The following GRIK4 variants were observed in gnomAD, a reference collection of about 807,000 sequenced individuals.
GRIK4 encodes glutamate receptor ionotropic, kainate 4.
A neutral mutation model predicts 104.9 loss-of-function variants in GRIK4; 40 were observed. The observed-to-expected ratio is 0.38, with a 90% confidence interval of 0.30 to 0.50. The LOEUF (loss-of-function observed/expected upper bound fraction) is 0.50. Ranked by LOEUF, GRIK4 falls within the 20% of genes least tolerant of loss-of-function variation. GRIK4 has a pLI of 0.93. For synonymous variants in GRIK4, 485 were observed against 524.9 expected (o/e 0.92, Z 1.04); for missense variants, 1,047 against 1,308.1 (o/e 0.80, Z 3.08).
rs377541334 is a variant in GRIK4 at position 120,903,538 on chromosome 11, G to A, written c.1273-1752G>A. On this transcript the variant is annotated intron_variant, in intron 12 of 20. Coordinates refer to ENST00000527524, the MANE Select transcript of GRIK4 (RefSeq NM_014619.5). The surrounding 1 kb of genome is among the most constrained non-coding windows in gnomAD (Gnocchi z 4.4). The stretch of plus-strand genomic sequence containing the variant: ...CCTCCTCTTTTCTCCCCTTTTCCAG[G>A]GATTTTCCCTTCCTGCCTGTAAATA... Among the ~76,000 whole-genome samples the A allele has an allele frequency of 2.0e-5, 3 of 152,052 alleles. No homozygotes were observed. Among genetic ancestry groups the A allele is most frequent in the South Asian group, 2.1e-4 (1 of 4,798 alleles).
intron 3 of GRIK4, among the ~76,000 whole-genome samples, chr11:120,787,499 G>C (rs934228380): frequency 2.0e-5 from 3 of 151,262 alleles, no homozygotes; most frequent in African/African-American, 7.3e-5. Context: ...GAGTCTGGCT[G>C]TGTCACCCAG....
intron 3 of GRIK4, among the ~76,000 whole-genome samples, chr11:120,762,461 A>G (rs556170315): frequency 2.0e-3 from 298 of 152,340 alleles, no homozygotes; most frequent in African/African-American, 6.8e-3. Context: ...TGCCCTGGCC[A>G]GAACTTCCAA....
At chr11:120,960,771 C>T (rs1944270418) in intron 16 of GRIK4, 138 bp from the exon 17 acceptor site, 6 of 621,946 alleles carry the variant, frequency 9.6e-6, no homozygotes, top group South Asian at 8.7e-5. Flanking sequence ...TGCCTCCTTT[C>T]TCTTCCCCCA....
At chr11:120,916,285 A>G (rs1425977208) in intron 13 of GRIK4, among the ~76,000 whole-genome samples, 4 of 152,008 alleles carry the variant, frequency 2.6e-5, no homozygotes, top group African/African-American at 4.8e-5. Flanking sequence ...CCTTTCAGCT[A>G]AAAAGGCAGA....
chr11:120,699,200 C>T (rs1036108212), intron 3 of GRIK4, among the ~76,000 whole-genome samples: 22 of 152,178 alleles, frequency 1.4e-4, no homozygotes, highest in African/African-American at 5.1e-4. Flanking sequence ...GCCCACCTAC[C>T]TGCCTTGATC....
intron 18 of GRIK4, 94 bp downstream of exon 18, chr11:120,962,775 C>A: frequency 1.3e-6 from 1 of 786,848 alleles, no homozygotes; most frequent in South Asian, 1.7e-5. Flanking sequence ...TCCAGTACCC[C>A]CTGTTGTTAG....
At chr11:120,655,284 A>T (rs1370092321) in intron 2 of GRIK4, among the ~76,000 whole-genome samples, 1 of 151,584 alleles carries the variant, frequency 6.6e-6, no homozygotes, top group African/African-American at 2.4e-5. Context: ...CCATCAGGGG[A>T]TGGGACTGCA....
intron 6 of GRIK4, among the ~76,000 whole-genome samples, chr11:120,829,746 A>G (rs1172336264): frequency 6.6e-6 from 1 of 152,122 alleles, no homozygotes; most frequent in Non-Finnish European, 1.5e-5. Flanking sequence ...TGAAGAATGG[A>G]GCTTTGAAGA....
intron 3 of GRIK4, among the ~76,000 whole-genome samples, chr11:120,779,593 G>T (rs1159834988): frequency 6.6e-6 from 1 of 152,188 alleles, no homozygotes; most frequent in Non-Finnish European, 1.5e-5. Flanking sequence ...CAAAGTCGTG[G>T]TGAAATTGGT....
intron 11 of GRIK4, among the ~76,000 whole-genome samples, chr11:120,889,493 G>C (rs1489533844): frequency 7.0e-6 from 1 of 142,048 alleles, no homozygotes; most frequent in Admixed American, 7.2e-5. Flanking sequence ...CTGAACCTGA[G>C]AGTAAAAAAA....
At chr11:120,867,546 C>A (rs966707044) in intron 9 of GRIK4, among the ~76,000 whole-genome samples, 21 of 151,882 alleles carry the variant, frequency 1.4e-4, no homozygotes, top group African/African-American at 4.8e-4. Flanking sequence ...TTTCTTCTCT[C>A]CATTGCCTTT....
chr11:120,668,372 AAAAG>A (rs900685459), intron 3 of GRIK4, among the ~76,000 whole-genome samples: 3 of 152,034 alleles, frequency 2.0e-5, no homozygotes, highest in Non-Finnish European at 2.9e-5. Context: ...AAAGAGGAAG[AAAAG>A]AAAGAAAAAG....
chr11:120,745,159 T>C (rs1388678119), intron 3 of GRIK4, among the ~76,000 whole-genome samples: 1 of 152,118 alleles, frequency 6.6e-6, no homozygotes, highest in African/African-American at 2.4e-5. Context: ...CTGGTCACAG[T>C]TGGAGGGAAA....
At chr11:120,584,368 A>C (rs960647279) in intron 1 of GRIK4, among the ~76,000 whole-genome samples, 2 of 152,242 alleles carry the variant, frequency 1.3e-5, no homozygotes, top group African/African-American at 4.8e-5. Flanking sequence ...ATTGGCTCAC[A>C]GATCTGCAGG....
chr11:120,984,001 G>A lies in GRIK4; in HGVS notation c.2514+1777G>A, dbSNP rs541197796. On this transcript the variant is annotated intron_variant, in intron 20 of 20. Coordinates refer to ENST00000527524, the MANE Select transcript of GRIK4 (RefSeq NM_014619.5). ...AGTCTCTGCTATTTAGTTAACAATT[G>A]GGGGGTGTGATGGGGGCCTATAATC... Among the ~76,000 whole-genome samples the A allele has an allele frequency of 9.2e-5, 14 of 152,240 alleles. 2 individuals carry two copies. In the South Asian group the frequency reaches 2.7e-3, roughly 29 times the overall value.
intron 4 of GRIK4, among the ~76,000 whole-genome samples, chr11:120,814,747 G>A (rs1476484999): frequency 6.6e-6 from 1 of 152,226 alleles, no homozygotes; most frequent in Non-Finnish European, 1.5e-5. Context: ...TGCTCTACCT[G>A]GGGGAGGGAA....
At chr11:120,884,029 G>A (rs565904638) in intron 11 of GRIK4, among the ~76,000 whole-genome samples, 1 of 152,344 alleles carries the variant, frequency 6.6e-6, no homozygotes, top group East Asian at 1.9e-4. Flanking sequence ...AACAAAGGTG[G>A]ATCCAGGGAG....
chr11:120,637,911 G>A (rs1010743640), intron 1 of GRIK4, among the ~76,000 whole-genome samples: 14 of 151,828 alleles, frequency 9.2e-5, no homozygotes, highest in Admixed American at 2.0e-4. Flanking sequence ...AGGGAGTCTC[G>A]CTCTGTCATC....
intron 1 of GRIK4, among the ~76,000 whole-genome samples, chr11:120,514,498 T>C (rs897366551): frequency 1.3e-5 from 2 of 152,182 alleles, no homozygotes; most frequent in Non-Finnish European, 2.9e-5. Flanking sequence ...AGGTCTCAGC[T>C]GTTTGGTTCT....
Sources: allele counts gnomAD v4.1 joint callset (sites outside exome capture counted in the v4.1 genomes callset), GRCh38; gene constraint gnomAD v4.1.1; non-coding constraint Gnocchi (gnomAD v3.1); transcripts MANE v1.5; gene names NCBI Gene and HGNC (gene_info 2026-07-23, HGNC 2026-07-21).